MSN: variants seen among roughly 807,000 people sequenced by gnomAD.
MSN encodes the protein epididymis luminal protein 70.
In MSN, 2 loss-of-function variants were observed where a neutral mutation model predicts 48.0. The observed-to-expected ratio is 0.04, with a 90% CI of 0.02 to 0.13. The LOEUF (loss-of-function observed/expected upper bound fraction) is 0.13. Among genes scored for constraint, MSN ranks in the 10% least tolerant of loss-of-function variants. The pLI, the probability that MSN is intolerant of heterozygous loss-of-function variation, is 1.00. For synonymous variants in MSN, 146 were observed against 166.9 expected (o/e 0.87, Z 0.97); for missense variants, 267 against 470.1 (o/e 0.57, Z 3.99).
In MSN at chrX:65,678,241, G is replaced by A. The variant is rs777125430; in HGVS notation, c.12+10388G>A. On this transcript the variant is annotated intron_variant, in intron 1 of 12. Coordinates refer to ENST00000360270, the MANE Select transcript of MSN (RefSeq NM_002444.3). ...TTAGTACAGGGAATGCCTTCTTCAA[G>A]TTTATACAATACCACCTGCAAACTT... is the stretch of plus-strand genomic sequence containing the variant. Among the ~76,000 whole-genome samples, 12 of 111,824 alleles carry A rather than the reference G, an allele frequency of 1.1e-4. No individual in the cohort carries two copies. In the South Asian group the frequency reaches 4.1e-3, roughly 38 times the overall value.
At chrX:65,671,707 G>A (rs2070943407) in intron 1 of MSN, among the ~76,000 whole-genome samples, 1 of 111,830 alleles carries the variant, frequency 8.9e-6, no homozygotes, top group Admixed American at 9.4e-5. Flanking sequence ...ACCATCTTGG[G>A]AATTTCCTTT....
chrX:65,656,114 A>C (rs1375033708), intron 1 of MSN, among the ~76,000 whole-genome samples: 1 of 112,289 alleles, frequency 8.9e-6, no homozygotes, highest in Non-Finnish European at 1.9e-5. Context: ...GATATACCAT[A>C]ATGTATTTAA....
At chrX:65,639,726 T>C (rs770934048) in intron 1 of MSN, among the ~76,000 whole-genome samples, 1 of 111,511 alleles carries the variant, frequency 9.0e-6, no homozygotes, top group South Asian at 3.8e-4. Context: ...CCTCAACATC[T>C]TAATCAGGAA....
At chrX:65,607,173 C>A (rs5964989) in intron 1 of MSN, among the ~76,000 whole-genome samples, 1 of 111,730 alleles carries the variant, frequency 9.0e-6, no homozygotes, top group South Asian at 3.7e-4. Context: ...GAAATTGAGG[C>A]GAGAGAAGTT....
At chrX:65,708,612 C>T (rs926057009) in intron 1 of MSN, among the ~76,000 whole-genome samples, 1 of 111,225 alleles carries the variant, frequency 9.0e-6, no homozygotes, top group Non-Finnish European at 1.9e-5. Context: ...ACTTTCTGTG[C>T]CTGGCTTATT....
chrX:65,699,000 TC>T (rs2071274086), intron 1 of MSN, among the ~76,000 whole-genome samples: 5 of 111,610 alleles, frequency 4.5e-5, no homozygotes, highest in Non-Finnish European at 9.4e-5. Flanking sequence ...TAGGGCTCTC[TC>T]CCTCCCGTCA....
intron 1 of MSN, among the ~76,000 whole-genome samples, chrX:65,658,036 C>A (rs2070794466): frequency 8.9e-6 from 1 of 112,244 alleles, no homozygotes; most frequent in African/African-American, 3.2e-5. Flanking sequence ...TAATGCTCAG[C>A]ACATAGTAGG....
intron 1 of MSN, among the ~76,000 whole-genome samples, chrX:65,694,095 G>A (rs1345010676): frequency 1.8e-5 from 2 of 109,950 alleles, no homozygotes; most frequent in Admixed American, 9.7e-5. Flanking sequence ...AAACAAAACG[G>A]AGGATAGTAC....
chrX:65,715,420 A>G (rs925583717), intron 1 of MSN, among the ~76,000 whole-genome samples: 1 of 112,133 alleles, frequency 8.9e-6, no homozygotes, highest in Admixed American at 9.4e-5. Context: ...TTTGGGCAGT[A>G]TCACCATTTT....
intron 1 of MSN, among the ~76,000 whole-genome samples, chrX:65,702,366 C>G (rs1184703354): frequency 3.7e-5 from 4 of 107,378 alleles, no homozygotes; most frequent in African/African-American, 1.4e-4. Context: ...TCCCTCTAGT[C>G]ATATTAACAC....
rs1292306524 is a variant in MSN, at chrX:65,624,861, AGAAGGAAGGAAGAAAGGAAG to A, written c.-22+36282_-22+36301del. The stretch of plus-strand genomic sequence containing the variant: ...AAGAAAGAAAAAGAGAAAGAAAAAA[AGAAGGAAGGAAGAAAGGAAG>A]GAAGGAAGGAAGAAAGGAAGGAAGG... On this transcript the variant is annotated intron_variant, in intron 1 of 3. Transcript: ENST00000609672. 25 of 110,758 alleles carry A rather than the reference AGAAGGAAGGAAGAAAGGAAG, an allele frequency of 2.3e-4. No individual in the cohort carries two copies. In the Admixed American group the frequency reaches 2.4e-3, roughly 11 times the overall value. 9.1% of individuals were successfully genotyped at this position (110,758 alleles called of 1,213,427 possible).
intron 1 of MSN, among the ~76,000 whole-genome samples, chrX:65,630,352 C>G (rs2070546386): frequency 9.0e-6 from 1 of 111,376 alleles, no homozygotes; most frequent in African/African-American, 3.3e-5. Context: ...AGCAGGATTA[C>G]TTGAGCCCAG....
chrX:65,669,129 A>T (rs1193005046), intron 1 of MSN, among the ~76,000 whole-genome samples: 2 of 111,850 alleles, frequency 1.8e-5, no homozygotes, highest in Admixed American at 9.5e-5. Context: ...ATGTGCTTTC[A>T]CTGTCTATCT....
intron 1 of MSN, among the ~76,000 whole-genome samples, chrX:65,634,081 T>C (rs1030981487): frequency 9.0e-6 from 1 of 111,498 alleles, no homozygotes; most frequent in African/African-American, 3.3e-5. Context: ...GACAGTTTCA[T>C]GCTAAAAAGA....
chrX:65,610,568 G>T (rs2070312191), intron 1 of MSN, among the ~76,000 whole-genome samples: 1 of 111,890 alleles, frequency 8.9e-6, no homozygotes. Flanking sequence ...GTGAACATTG[G>T]CATACAGGTA....
At chrX:65,664,133 T>C (rs2070848428), upstream of MSN, among the ~76,000 whole-genome samples, 1 of 110,639 alleles carries the variant, frequency 9.0e-6, no homozygotes, top group Admixed American at 9.6e-5. Flanking sequence ...TGGAATACTA[T>C]GCAGCCATAG....
intron 1 of MSN, among the ~76,000 whole-genome samples, chrX:65,634,183 G>C (rs1249829142): frequency 8.9e-6 from 1 of 112,306 alleles, no homozygotes; most frequent in Non-Finnish European, 1.9e-5. Context: ...GCCCAGGAGG[G>C]GGGCATGTCC....
upstream of MSN, chrX:65,667,593 C>T (rs1276283133): frequency 2.9e-5 from 26 of 904,311 alleles, no homozygotes; most frequent in Non-Finnish European, 3.6e-5. Context: ...GAGGCGGGCG[C>T]GAGGGCGGGG....
intron 1 of MSN, among the ~76,000 whole-genome samples, chrX:65,623,751 G>A (rs1166939231): frequency 9.2e-6 from 1 of 108,156 alleles, no homozygotes; most frequent in Non-Finnish European, 1.9e-5. Flanking sequence ...GGCGGAGGTT[G>A]CAGTGAGCCA....
Sources: gnomAD v4.1 joint callset for allele counts (sites outside exome capture counted in the v4.1 genomes callset) on GRCh38, gnomAD v4.1.1 for gene constraint, MANE v1.5 for transcripts, NCBI Gene and HGNC (gene_info 2026-07-23, HGNC 2026-07-21) for gene names.